Variants in CHKA observed in about 807,000 individuals in gnomAD.
The protein encoded by CHKA is CHETK-alpha.
A neutral mutation model predicts 60.1 loss-of-function variants in CHKA; 34 were observed. The ratio of observed to expected loss-of-function variants is 0.57; its 90% CI spans 0.43 to 0.75. The LOEUF is 0.75. CHKA is among the 30% of genes least tolerant of loss of function. The pLI is 0.00. For synonymous variants in CHKA, 217 were observed against 223.1 expected (o/e 0.97, Z 0.24); for missense variants, 563 against 561.3 (o/e 1.00, Z -0.03).
At chr11:68,092,732 A>G (rs1022609569) in intron 2 of CHKA, among the ~76,000 whole-genome samples, 1 of 152,184 alleles carries the variant, frequency 6.6e-6, no homozygotes, top group African/African-American at 2.4e-5. Flanking sequence ...TATGACTGCT[A>G]AACTCTGCAG....
rs1422283607 is a variant in CHKA at position 68,068,945 on chromosome 11, G to C, written c.870-8C>G. The C allele has an allele frequency of 6.2e-7, 1 of 1,609,600 alleles. No individual in the cohort carries two copies. Among genetic ancestry groups the C allele is most frequent in the Admixed American group, 1.7e-5 (1 of 59,996 alleles). On this transcript the variant is annotated splice_polypyrimidine_tract_variant and splice_region_variant and intron_variant, in intron 6 of 11. Transcript: ENST00000265689. ...GTAGATTCAAGCAATGATCTGAAAAGAAAGGTTTCACTGTTACCCATCACG... is the reference window on the plus strand; with the variant it reads ...GTAGATTCAAGCAATGATCTGAAAACAAAGGTTTCACTGTTACCCATCACG...
chr11:68,120,925 G>A lies in CHKA; in HGVS notation c.253C>T (p.Pro85Ser), dbSNP rs759267907. 3.1e-5 allele frequency: 37 copies of A among 1,200,796 alleles called. No individual in the cohort carries two copies. In the African/African-American group the frequency reaches 4.8e-4, roughly 16 times the overall value. The allele number at this position is 1,200,796 out of a possible 1,614,324, so 74.4% of individuals were successfully genotyped here. ...PQPPADEQPE[P>S]RTRRRAYLWC... is the part of the protein sequence containing the mutation. ...AGATAGGCCCTGCGCCGCGTCCGGG[G>A]CTCCGGCTGCTCGTCTGCGGGCGGC... Residue 85 changes from proline to serine, a missense_variant, in exon 1 of 12, where the codon CCC becomes TCC. By Grantham distance (74) the Pro-to-Ser change is moderately conservative. Coordinates refer to ENST00000265689, the MANE Select transcript of CHKA (RefSeq NM_001277.3).
intron 3 of CHKA, among the ~76,000 whole-genome samples, chr11:68,076,195 G>C (rs17597141): frequency 0.13 from 20,101 of 152,140 alleles, 1,723 homozygotes; most frequent in Middle Eastern, 0.23. Flanking sequence ...CTGTGATCTT[G>C]TGAGGCTCAA....
chr11:68,070,635 A>T, intron 5 of CHKA, 89 bp downstream of exon 5: 1 of 1,412,052 alleles, frequency 7.1e-7, no homozygotes, highest in Admixed American at 1.9e-5. Context: ...AAGACCTCTG[A>T]CTACTGTGGC....
chr11:68,110,427 A>G (rs1858089070), intron 1 of CHKA, among the ~76,000 whole-genome samples: 1 of 152,218 alleles, frequency 6.6e-6, no homozygotes, highest in Non-Finnish European at 1.5e-5. Context: ...TTAATACATA[A>G]AAGTCAACCA....
intron 1 of CHKA, among the ~76,000 whole-genome samples, chr11:68,100,667 TAAATAA>T (rs1385526416): frequency 6.6e-6 from 1 of 150,892 alleles, no homozygotes; most frequent in African/African-American, 2.4e-5. Context: ...AATAAATAAA[TAAATAA>T]ATTTAAATAT....
intron 11 of CHKA, among the ~76,000 whole-genome samples, chr11:68,060,779 G>A (rs1415323525): frequency 6.6e-6 from 1 of 152,070 alleles, no homozygotes; most frequent in African/African-American, 2.4e-5. Context: ...TCCTTGTTAC[G>A]AAGTGTGCTT....
At chr11:68,076,953 T>C (rs563076190) in intron 3 of CHKA, among the ~76,000 whole-genome samples, 1 of 151,848 alleles carries the variant, frequency 6.6e-6, no homozygotes, top group Non-Finnish European at 1.5e-5. Flanking sequence ...AGGAAGAAAA[T>C]GAGGCCGGGT....
At chr11:68,081,527 A>C in intron 2 of CHKA, 70 bp from the exon 3 acceptor site, 1 of 1,225,552 alleles carries the variant, frequency 8.2e-7, no homozygotes, top group Non-Finnish European at 1.2e-6. Context: ...CTTTGCAACC[A>C]CCAGAACAGT....
intron 3 of CHKA, among the ~76,000 whole-genome samples, chr11:68,076,244 C>A (rs1359235884): frequency 2.6e-5 from 4 of 152,068 alleles, no homozygotes; most frequent in Non-Finnish European, 1.5e-5. Context: ...TGACAATAAA[C>A]TGATAACATC....
chr11:68,076,280 G>A (rs1645201362), intron 3 of CHKA, among the ~76,000 whole-genome samples: 1 of 151,814 alleles, frequency 6.6e-6, no homozygotes, highest in Non-Finnish European at 1.5e-5. Context: ...TGAATTTTAG[G>A]GTGGGATTTG....
intron 3 of CHKA, among the ~76,000 whole-genome samples, chr11:68,078,652 A>G (rs1449611748): frequency 6.6e-6 from 1 of 152,248 alleles, no homozygotes; most frequent in Non-Finnish European, 1.5e-5. Context: ...ACATAACAGC[A>G]TTTCTGTGGT....
rs541093911 is a variant in CHKA at position 68,101,604 on chromosome 11, A to T, written c.351-4474T>A. ...CGCCACTGCATGCCAGCTAATAGCAAATTATCTGGAATGGAAATCAAGAAA... is the reference window on the plus strand; with the variant it reads ...CGCCACTGCATGCCAGCTAATAGCATATTATCTGGAATGGAAATCAAGAAA... On this transcript the variant is annotated intron_variant, in intron 1 of 11. Transcript: ENST00000265689. Among the ~76,000 whole-genome samples, 8 of 151,882 alleles carry T rather than the reference A, an allele frequency of 5.3e-5. No homozygotes were observed. In the South Asian group the frequency reaches 1.7e-3, roughly 32 times the overall value.
intron 2 of CHKA, among the ~76,000 whole-genome samples, chr11:68,084,312 A>G (rs983195662): frequency 8.5e-5 from 12 of 140,440 alleles, no homozygotes; most frequent in African/African-American, 2.6e-4. Context: ...GTGTATATAC[A>G]TGTGTATATA....
At chr11:68,065,000 G>C (rs142161467) in intron 9 of CHKA, among the ~76,000 whole-genome samples, 1 of 152,342 alleles carries the variant, frequency 6.6e-6, no homozygotes, top group Non-Finnish European at 1.5e-5. Flanking sequence ...AGGAATGGGA[G>C]AGAAAGATCT....
chr11:68,072,139 G>A (rs1856639391), intron 4 of CHKA, among the ~76,000 whole-genome samples: 1 of 152,186 alleles, frequency 6.6e-6, no homozygotes, highest in African/African-American at 2.4e-5. Flanking sequence ...TTCCCCAGTA[G>A]AGAAAGAGAA....
chr11:68,067,956 G>C (rs1272199979), intron 7 of CHKA, among the ~76,000 whole-genome samples: 1 of 152,218 alleles, frequency 6.6e-6, no homozygotes, highest in Non-Finnish European at 1.5e-5. Context: ...GGTGGGACCT[G>C]AACTACTGTG....
At chr11:68,068,227 G>C (rs905332968) in intron 7 of CHKA, among the ~76,000 whole-genome samples, 1 of 152,156 alleles carries the variant, frequency 6.6e-6, no homozygotes, top group Non-Finnish European at 1.5e-5. Flanking sequence ...TGGTGCAGAA[G>C]GGGGAAGGGC....
intron 4 of CHKA, among the ~76,000 whole-genome samples, chr11:68,073,095 T>A (rs1465466271): frequency 6.6e-6 from 1 of 152,224 alleles, no homozygotes; most frequent in Admixed American, 6.5e-5. Context: ...CTATGTGTCC[T>A]GATGCCTGCC....
Sources: gnomAD v4.1 joint callset for allele counts (sites outside exome capture counted in the v4.1 genomes callset) on GRCh38, gnomAD v4.1.1 for gene constraint, MANE v1.5 for transcripts, NCBI Gene and HGNC (gene_info 2026-07-23, HGNC 2026-07-21) for gene names.